Variants in KCNK9 observed in about 807,000 individuals in gnomAD.
The protein encoded by KCNK9 is potassium two pore domain channel subfamily K member 9, also known as potassium channel subfamily K member 9.
Under a neutral mutation model 10.8 loss-of-function variants are expected in KCNK9, and 1 was observed. The observed-to-expected ratio is 0.09, with a 90% CI of 0.03 to 0.44. The LOEUF (loss-of-function observed/expected upper bound fraction) is 0.44. KCNK9 is among the 20% of genes least tolerant of loss of function. The pLI is 0.97. For missense variants in KCNK9, 303 were observed against 515.0 expected (o/e 0.59, Z 3.98); for synonymous variants, 231 against 222.7 (o/e 1.04, Z -0.33).
intron 1 of KCNK9, among the ~76,000 whole-genome samples, chr8:139,651,056 C>A (rs1815847545): frequency 6.6e-6 from 1 of 152,154 alleles, no homozygotes; most frequent in Non-Finnish European, 1.5e-5. Flanking sequence ...TGCTTCTTCC[C>A]AGCTGCAAGG....
chr8:139,616,606 T>C (rs1814597450), downstream of KCNK9: 1 of 152,110 alleles, frequency 6.6e-6, no homozygotes, highest in African/African-American at 2.4e-5. Flanking sequence ...CTTTAAGAAA[T>C]CCTGTAGGTC....
intron 1 of KCNK9, among the ~76,000 whole-genome samples, chr8:139,663,478 C>T (rs1035654208): frequency 6.6e-6 from 1 of 151,998 alleles, no homozygotes; most frequent in Non-Finnish European, 1.5e-5. Flanking sequence ...GACAGTGAGG[C>T]GAGAGTGACA....
At chr8:139,637,283 C>T (rs886260538) in intron 1 of KCNK9, among the ~76,000 whole-genome samples, 3 of 152,150 alleles carry the variant, frequency 2.0e-5, no homozygotes, top group African/African-American at 4.8e-5. Context: ...TGGCAGAGAC[C>T]GCAAGGCATT....
chr8:139,687,394 G>A (rs1329109896), intron 1 of KCNK9, among the ~76,000 whole-genome samples: 7 of 116,042 alleles, frequency 6.0e-5, no homozygotes, highest in Non-Finnish European at 9.0e-5. Flanking sequence ...GAATATATAT[G>A]TGTATACATA....
intron 2 of KCNK9, among the ~76,000 whole-genome samples, chr8:139,606,421 T>C (rs1353536472): frequency 6.6e-6 from 1 of 152,092 alleles, no homozygotes; most frequent in East Asian, 1.9e-4. Context: ...ATCCGGTCAA[T>C]GCACATGCAC....
At chr8:139,662,969 C>T (rs1816201027) in intron 1 of KCNK9, among the ~76,000 whole-genome samples, 1 of 151,930 alleles carries the variant, frequency 6.6e-6, no homozygotes, top group South Asian at 2.1e-4. Flanking sequence ...TAAAAGGGAG[C>T]ACCCCTGCCT....
chr8:139,691,891 C>T (rs1563753613), intron 1 of KCNK9, among the ~76,000 whole-genome samples: 1 of 152,222 alleles, frequency 6.6e-6, no homozygotes. Context: ...GGTTCCCTTG[C>T]AGCTAGAGTT....
At chr8:139,602,577 T>C (rs772694610) in intron 2 of KCNK9, among the ~76,000 whole-genome samples, 1 of 152,166 alleles carries the variant, frequency 6.6e-6, no homozygotes, top group Non-Finnish European at 1.5e-5. Context: ...TACCACACGA[T>C]GATAGGAACT....
intron 1 of KCNK9, among the ~76,000 whole-genome samples, chr8:139,633,111 AC>A (rs540967311): frequency 1.2e-3 from 190 of 152,100 alleles, no homozygotes; most frequent in African/African-American, 4.2e-3. Flanking sequence ...GTGCACATAG[AC>A]ACAGGTACAT....
At chr8:139,654,427 C>T (rs1252955704) in intron 1 of KCNK9, among the ~76,000 whole-genome samples, 1 of 152,280 alleles carries the variant, frequency 6.6e-6, no homozygotes, top group Non-Finnish European at 1.5e-5. Flanking sequence ...ATGCCCTGCC[C>T]GCTCAGGCCC....
Position 139,702,634 on chromosome 8 carries a change from C to CA in KCNK9, c.283+75_283+76insT. ...TTAACCCTCGACGCCCTGCACCCAG[C>CA]CCGGCGCGGCGCGCTCAGCCGCCTC... is the stretch of plus-strand genomic sequence containing the variant. On this transcript the variant is annotated intron_variant, in intron 1 of 1. Transcript: ENST00000520439. This position sits in a 1 kb window ranked among gnomAD's most constrained non-coding sequence, Gnocchi z 7.5. 6.8e-7 allele frequency: 1 copy of CA among 1,473,210 alleles called. No homozygotes were observed. Among genetic ancestry groups the CA allele is most frequent in the South Asian group, 1.3e-5 (1 of 79,728 alleles). 91.3% of individuals were successfully genotyped at this position (1,473,210 alleles called of 1,614,324 possible).
chr8:139,653,027 G>A (rs1292779094), intron 1 of KCNK9, among the ~76,000 whole-genome samples: 2 of 152,172 alleles, frequency 1.3e-5, no homozygotes, highest in African/African-American at 4.8e-5. Context: ...CACCTTGTAG[G>A]GGCCCCCCTT....
In KCNK9 at chr8:139,702,942, G is replaced by A; in HGVS notation, c.51C>T (p.Thr17=). The A allele has an allele frequency of 6.2e-7, 1 of 1,612,074 alleles. No homozygotes were observed. Among genetic ancestry groups the A allele is most frequent in the Non-Finnish European group, 8.5e-7 (1 of 1,179,280 alleles). The change falls in exon 1 of 2, where the codon ACC becomes ACT. Residue 17 remains threonine (T), a synonymous_variant. Transcript: ENST00000520439. This position sits in a 1 kb window ranked among gnomAD's most constrained non-coding sequence, Gnocchi z 7.5. The stretch of plus-strand genomic sequence containing the variant: ...ACACGGCGGCGCCCACCAGCAGGTA[G>A]GTGAAGGTGCAGACGATGAGGGACA... ...RTLSLIVCTF[T]YLLVGAAVFD...
At chr8:139,689,768 G>A (rs561213085) in intron 1 of KCNK9, among the ~76,000 whole-genome samples, 5 of 151,204 alleles carry the variant, frequency 3.3e-5, no homozygotes, top group Admixed American at 6.6e-5. Flanking sequence ...TCAGCCTCCC[G>A]AATAGCTGGG....
chr8:139,671,511 C>T (rs1372155388), intron 1 of KCNK9, among the ~76,000 whole-genome samples: 209 of 132,720 alleles, frequency 1.6e-3, no homozygotes, highest in African/African-American at 5.6e-3. Flanking sequence ...TTTTTAGTTT[C>T]TTTTTTTTTT....
intron 1 of KCNK9, among the ~76,000 whole-genome samples, chr8:139,643,989 T>C (rs1238273710): frequency 2.0e-5 from 3 of 152,182 alleles, no homozygotes; most frequent in African/African-American, 7.2e-5. Flanking sequence ...AAGGCGGTGA[T>C]TGTGGTCCCC....
chr8:139,626,414 C>T (rs1451672804), intron 1 of KCNK9, among the ~76,000 whole-genome samples: 2 of 152,188 alleles, frequency 1.3e-5, no homozygotes, highest in Non-Finnish European at 2.9e-5. Context: ...TACCTGAGCC[C>T]TTGACCAGAA....
At chr8:139,650,319 T>C (rs1199100267) in intron 1 of KCNK9, among the ~76,000 whole-genome samples, 1 of 152,122 alleles carries the variant, frequency 6.6e-6, no homozygotes, top group Admixed American at 6.5e-5. Flanking sequence ...CTGGCAACAT[T>C]CCCATCCCTG....
At position 139,702,465 on chromosome 8, in the gene KCNK9, G is replaced by C. The variant is rs999061411; in HGVS notation, c.283+245C>G. On this transcript the variant is annotated intron_variant, in intron 1 of 1. Coordinates refer to ENST00000520439, the MANE Select transcript of KCNK9 (RefSeq NM_001282534.2). This position sits in a 1 kb window ranked among gnomAD's most constrained non-coding sequence, Gnocchi z 7.5. ...CCTCCCGGCTCAGGCACACTCGCTC[G>C]GGGCTCGCACGCCCGGCCCAGACAC... Among the ~76,000 whole-genome samples, 2 of 152,170 alleles carry C rather than the reference G, an allele frequency of 1.3e-5. No individual in the cohort carries two copies. The highest frequency in any genetic ancestry group is 2.4e-5 in the African/African-American group (1 of 41,450).
Sources: gnomAD v4.1 joint callset for allele counts (sites outside exome capture counted in the v4.1 genomes callset) on GRCh38, gnomAD v4.1.1 for gene constraint, Gnocchi (gnomAD v3.1) non-coding constraint, MANE v1.5 for transcripts, NCBI Gene and HGNC (gene_info 2026-07-23, HGNC 2026-07-21) for gene names.